DAB1: variants seen among roughly 807,000 people sequenced by gnomAD.
DAB1 encodes the protein disabled homolog 1.
In DAB1, 15 loss-of-function variants were observed where a neutral mutation model predicts 64.6. The ratio of observed to expected loss-of-function variants is 0.23; its 90% CI spans 0.16 to 0.36. The LOEUF (loss-of-function observed/expected upper bound fraction) is 0.36. Among genes scored for constraint, DAB1 ranks in the 10% least tolerant of loss-of-function variants. DAB1 has a pLI of 1.00. For synonymous variants in DAB1, 235 were observed against 251.9 expected (o/e 0.93, Z 0.64); for missense variants, 596 against 706.7 (o/e 0.84, Z 1.78).
intron 7 of DAB1, among the ~76,000 whole-genome samples, chr1:57,478,258 A>T (rs551308350): frequency 1.3e-5 from 2 of 152,274 alleles, no homozygotes; most frequent in South Asian, 4.1e-4. Flanking sequence ...TTTGATTTTT[A>T]ACAAGTGATT....
intron 7 of DAB1, among the ~76,000 whole-genome samples, chr1:57,634,998 C>T (rs762332879): frequency 6.6e-6 from 1 of 152,094 alleles, no homozygotes; most frequent in Non-Finnish European, 1.5e-5. Context: ...ACAGTCTAGG[C>T]AGAGGGACGG....
intron 4 of DAB1, among the ~76,000 whole-genome samples, chr1:58,202,757 C>T (rs1419297394): frequency 1.3e-5 from 2 of 152,128 alleles, no homozygotes; most frequent in Non-Finnish European, 2.9e-5. Flanking sequence ...TATGGGGTTG[C>T]TTTGTCGATA....
intron 3 of DAB1, among the ~76,000 whole-genome samples, chr1:58,395,054 A>G (rs999598440): frequency 3.9e-5 from 6 of 151,960 alleles, no homozygotes; most frequent in African/African-American, 1.5e-4. Context: ...CTGAATCAGG[A>G]TAAGTGGACA....
At chr1:57,083,777 C>T (rs1004095971) in intron 4 of DAB1, among the ~76,000 whole-genome samples, 3 of 152,132 alleles carry the variant, frequency 2.0e-5, no homozygotes, top group East Asian at 1.9e-4. Context: ...CAAACAATGA[C>T]TTCTGAGGGT....
At chr1:57,204,704 T>C (rs1035856681) in intron 2 of DAB1, among the ~76,000 whole-genome samples, 1 of 152,222 alleles carries the variant, frequency 6.6e-6, no homozygotes, top group African/African-American at 2.4e-5. Flanking sequence ...GGAATTGTGC[T>C]GATTAGATTA....
chr1:57,195,957 T>A (rs1485517594), intron 2 of DAB1, among the ~76,000 whole-genome samples: 3 of 152,016 alleles, frequency 2.0e-5, no homozygotes, highest in African/African-American at 7.3e-5. Flanking sequence ...AGTACATGTA[T>A]GAATTTATAG....
chr1:57,991,377 A>C (rs1045960189), intron 5 of DAB1, among the ~76,000 whole-genome samples: 3 of 152,190 alleles, frequency 2.0e-5, no homozygotes, highest in African/African-American at 7.2e-5. Flanking sequence ...AGCATCGACT[A>C]ATATACACCC....
intron 1 of DAB1, among the ~76,000 whole-genome samples, chr1:57,352,124 C>T (rs1416573489): frequency 2.6e-5 from 4 of 152,142 alleles, no homozygotes; most frequent in Non-Finnish European, 4.4e-5. Flanking sequence ...TCCAACAAGA[C>T]ACAAGCATGA....
rs1474682854 is a variant in DAB1, at chr1:58,272,911, G to A, written n.309+70441C>T. Among the ~76,000 whole-genome samples, 144 of 84,212 alleles carry A rather than the reference G, an allele frequency of 1.7e-3. 1 individual carries two copies. The highest frequency in any genetic ancestry group is 6.6e-3 in the African/African-American group (142 of 21,540). 55.2% of individuals were successfully genotyped at this position (84,212 alleles called of 152,430 possible). ...TTTGAGCCTATGTGTGTCTCTGCAC[G>A]TGAGATGGGTTTCCTGAATACAGCA... On this transcript the variant is annotated intron_variant and non_coding_transcript_variant, in intron 4 of 20. Transcript: ENST00000485760.
chr1:57,258,279 C>G (rs761811556), intron 2 of DAB1, among the ~76,000 whole-genome samples: 1 of 152,190 alleles, frequency 6.6e-6, no homozygotes, highest in African/African-American at 2.4e-5. Flanking sequence ...AAGAGAGATT[C>G]TCACCAAAGG....
chr1:58,408,580 G>A (rs988746285), intron 3 of DAB1, among the ~76,000 whole-genome samples: 11 of 152,096 alleles, frequency 7.2e-5, no homozygotes, highest in African/African-American at 2.7e-4. Flanking sequence ...CTGATTGGTG[G>A]GAAAGCAGGG....
upstream of DAB1, among the ~76,000 whole-genome samples, chr1:57,887,484 C>A (rs1644241525): frequency 1.3e-5 from 2 of 152,130 alleles, no homozygotes; most frequent in Admixed American, 1.3e-4. Flanking sequence ...CCAGTCAACG[C>A]ATAGAAGAGA....
At chr1:57,698,813 GT>G (rs1266531839) in intron 6 of DAB1, among the ~76,000 whole-genome samples, 1 of 152,144 alleles carries the variant, frequency 6.6e-6, no homozygotes, top group African/African-American at 2.4e-5. Context: ...TGAACAACAT[GT>G]GATATCTTCA....
chr1:58,077,503 G>C (rs1482048439), intron 5 of DAB1, among the ~76,000 whole-genome samples: 2 of 152,224 alleles, frequency 1.3e-5, no homozygotes, highest in Non-Finnish European at 2.9e-5. Flanking sequence ...TGGATAGGAA[G>C]AGAGAAATAA....
intron 2 of DAB1, among the ~76,000 whole-genome samples, chr1:57,286,288 C>A (rs1672309091): frequency 6.6e-6 from 1 of 152,042 alleles, no homozygotes; most frequent in Non-Finnish European, 1.5e-5. Context: ...AATAGATGAC[C>A]CAAATTGTCA....
chr1:57,514,265 TTTTTCCATAATGACTGTACTA>T (rs1644438669), intron 7 of DAB1, among the ~76,000 whole-genome samples: 1 of 152,204 alleles, frequency 6.6e-6, no homozygotes, highest in African/African-American at 2.4e-5. Flanking sequence ...CCTTCATACT[TTTTTCCATAATGACTGTACTA>T]ATTTGCATTC....
chr1:57,101,136 C>G (rs1446181380), intron 4 of DAB1, among the ~76,000 whole-genome samples: 1 of 152,174 alleles, frequency 6.6e-6, no homozygotes, highest in African/African-American at 2.4e-5. Flanking sequence ...TGGCATGGTA[C>G]TGGGTCTGAC....
At chr1:57,708,242 C>T (rs546875642) in intron 6 of DAB1, among the ~76,000 whole-genome samples, 10 of 152,316 alleles carry the variant, frequency 6.6e-5, no homozygotes, top group Admixed American at 2.6e-4. Flanking sequence ...CTCAAGGTGG[C>T]TTTAGAAATG....
chr1:57,819,299 T>A (rs1652012525), intron 6 of DAB1, among the ~76,000 whole-genome samples: 1 of 152,220 alleles, frequency 6.6e-6, no homozygotes, highest in Non-Finnish European at 1.5e-5. Context: ...CAGACAGGGG[T>A]AGAAACATCC....
Sources: allele counts gnomAD v4.1 joint callset (sites outside exome capture counted in the v4.1 genomes callset), GRCh38; gene constraint gnomAD v4.1.1; transcripts MANE v1.5; gene names NCBI Gene and HGNC (gene_info 2026-07-23, HGNC 2026-07-21).